The following TAFA5 variants were observed in gnomAD, a reference collection of about 807,000 sequenced individuals.
The protein encoded by TAFA5 is TAFA chemokine like family member 5, also known as chemokine-like protein TAFA-5.
Under a neutral mutation model 15.3 loss-of-function variants are expected in TAFA5, and 6 were observed. The ratio of observed to expected loss-of-function variants is 0.39; its 90% confidence interval spans 0.21 to 0.77. The LOEUF is 0.77. TAFA5 is among the 30% of genes least tolerant of loss of function. The probability of loss-of-function intolerance (pLI) is 0.41; values close to 1 mark genes in which losing one functional copy is unlikely to be tolerated. For synonymous variants in TAFA5, 103 were observed against 80.7 expected (o/e 1.28, Z -1.48); for missense variants, 161 against 193.1 (o/e 0.83, Z 0.98).
intron 1 of TAFA5, among the ~76,000 whole-genome samples, chr22:48,532,446 C>T (rs1349156994): frequency 1.3e-5 from 2 of 152,192 alleles, no homozygotes; most frequent in Non-Finnish European, 2.9e-5. Flanking sequence ...TGTTCATGTA[C>T]CCAGCAAGGA....
At chr22:48,671,157 C>G (rs187880969) in intron 2 of TAFA5, among the ~76,000 whole-genome samples, 1 of 152,156 alleles carries the variant, frequency 6.6e-6, no homozygotes, top group Non-Finnish European at 1.5e-5. Flanking sequence ...CTGTGCCCTC[C>G]GTGTCCTTAG....
chr22:48,585,188 A>G (rs1924299711), intron 1 of TAFA5, among the ~76,000 whole-genome samples: 1 of 149,296 alleles, frequency 6.7e-6, no homozygotes, highest in Admixed American at 6.8e-5. Context: ...CTGTGCACAC[A>G]TACCACATGC....
chr22:48,634,696 GTCAT>G (rs1306518556), intron 1 of TAFA5, among the ~76,000 whole-genome samples: 11 of 150,912 alleles, frequency 7.3e-5, no homozygotes, highest in East Asian at 1.9e-4. Flanking sequence ...CACTCAGTCA[GTCAT>G]TCATTCATTC....
chr22:48,499,493 C>T (rs1354903843), intron 1 of TAFA5, among the ~76,000 whole-genome samples: 6 of 152,186 alleles, frequency 3.9e-5, no homozygotes, highest in Admixed American at 3.9e-4. Context: ...TGCGCCTCCC[C>T]CAGCCTAGCA....
chr22:48,641,377 G>A (rs978375276), intron 1 of TAFA5, among the ~76,000 whole-genome samples: 1 of 152,148 alleles, frequency 6.6e-6, no homozygotes, highest in African/African-American at 2.4e-5. Flanking sequence ...GGGAGGGGCT[G>A]GTCCTGGGGG....
chr22:48,616,674 A>C (rs1925617270), intron 1 of TAFA5, among the ~76,000 whole-genome samples: 1 of 151,130 alleles, frequency 6.6e-6, no homozygotes, highest in Non-Finnish European at 1.5e-5. Context: ...TGGGCCACTG[A>C]AGCCCAAAAC....
chr22:48,662,281 T>C (rs1927467510), intron 2 of TAFA5, among the ~76,000 whole-genome samples: 1 of 151,982 alleles, frequency 6.6e-6, no homozygotes, highest in African/African-American at 2.4e-5. Flanking sequence ...GGGCAGGGGC[T>C]CTGCAGGCCA....
intron 1 of TAFA5, among the ~76,000 whole-genome samples, chr22:48,627,894 G>A (rs781610614): frequency 6.6e-6 from 1 of 152,214 alleles, no homozygotes; most frequent in Non-Finnish European, 1.5e-5. Context: ...CAGCAAGGAC[G>A]GGGGGTTGCA....
chr22:48,594,293 C>G (rs1009947358), intron 1 of TAFA5, among the ~76,000 whole-genome samples: 4 of 152,208 alleles, frequency 2.6e-5, no homozygotes, highest in Non-Finnish European at 4.4e-5. Flanking sequence ...CTGACCCACT[C>G]GGATGGGCGA....
chr22:48,664,501 G>A (rs1284491123), intron 2 of TAFA5, among the ~76,000 whole-genome samples: 1 of 152,192 alleles, frequency 6.6e-6, no homozygotes, highest in Non-Finnish European at 1.5e-5. Context: ...CCCAAAATAG[G>A]TGACTATTCT....
rs1321673846 is a variant in TAFA5 at position 48,489,714 on chromosome 22, G to A, written c.112+10G>A. The stretch of plus-strand genomic sequence containing the variant: ...CTCATCGCCTACTGCAGTGAGTACC[G>A]CGCGGCCCCGGCCCCGGCACGGCCC... On this transcript the variant is annotated intron_variant, in intron 1 of 3. Coordinates refer to ENST00000402357, the MANE Select transcript of TAFA5 (RefSeq NM_001082967.3). This position sits in a 1 kb window ranked among gnomAD's most constrained non-coding sequence, Gnocchi z 5.5. 1 of 1,438,480 alleles carries A rather than the reference G, an allele frequency of 7.0e-7. No homozygotes were observed. The highest frequency in any genetic ancestry group is 9.2e-7 in the Non-Finnish European group (1 of 1,084,692). The allele number at this position is 1,438,480 out of a possible 1,614,324, so 89.1% of individuals were successfully genotyped here.
chr22:48,517,624 C>T (rs767370366), intron 1 of TAFA5, among the ~76,000 whole-genome samples: 2 of 152,210 alleles, frequency 1.3e-5, no homozygotes, highest in African/African-American at 2.4e-5. Context: ...GATAGCCCGC[C>T]GGGCCCTGGG....
At chr22:48,726,135 T>C (rs371368789) in intron 3 of TAFA5, among the ~76,000 whole-genome samples, 2 of 152,392 alleles carry the variant, frequency 1.3e-5, no homozygotes, top group South Asian at 2.1e-4. Flanking sequence ...GGGAGACTTA[T>C]GTAAATATAT....
chr22:48,561,511 T>C (rs1388798066), intron 1 of TAFA5, among the ~76,000 whole-genome samples: 1 of 152,176 alleles, frequency 6.6e-6, no homozygotes, highest in Non-Finnish European at 1.5e-5. Context: ...GCCTGACCTC[T>C]CTGTGGAGGC....
At position 48,644,090 on chromosome 22, in the gene TAFA5, T is replaced by C. The variant is rs75875434; in HGVS notation, c.113-2507T>C. On this transcript the variant is annotated intron_variant, in intron 1 of 3. Coordinates refer to ENST00000402357, the MANE Select transcript of TAFA5 (RefSeq NM_001082967.3). ...CAGCACCTCATCCTCCCGGATGCTC[T>C]TTCCTCGTGGTATTTATTCATCCAC... is the stretch of plus-strand genomic sequence containing the variant. Among the ~76,000 whole-genome samples the C allele has an allele frequency of 2.1e-3, 320 of 152,366 alleles. 8 individuals carry two copies. In the East Asian group the frequency reaches 0.052, roughly 25 times the overall value.
At chr22:48,683,113 G>A (rs897087440) in intron 2 of TAFA5, among the ~76,000 whole-genome samples, 1 of 152,040 alleles carries the variant, frequency 6.6e-6, no homozygotes, top group African/African-American at 2.4e-5. Context: ...ATACAGTCCC[G>A]GTGGCAATAC....
chr22:48,592,440 A>G (rs1924603611), intron 1 of TAFA5, among the ~76,000 whole-genome samples: 1 of 152,198 alleles, frequency 6.6e-6, no homozygotes, highest in Admixed American at 6.5e-5. Context: ...CACTACAGGC[A>G]GGGGCTTGGG....
chr22:48,527,864 G>C (rs538476882), intron 1 of TAFA5, among the ~76,000 whole-genome samples: 1 of 152,222 alleles, frequency 6.6e-6, no homozygotes, highest in African/African-American at 2.4e-5. Flanking sequence ...GGAGCCCGGC[G>C]CGAGGCTTCA....
At chr22:48,684,843 G>A (rs1192766461) in intron 2 of TAFA5, among the ~76,000 whole-genome samples, 3 of 152,218 alleles carry the variant, frequency 2.0e-5, no homozygotes, top group African/African-American at 4.8e-5. Flanking sequence ...CTTACCTCTC[G>A]GGGTGCGGCT....
Sources: gnomAD v4.1 joint callset for allele counts (sites outside exome capture counted in the v4.1 genomes callset) on GRCh38, gnomAD v4.1.1 for gene constraint, Gnocchi (gnomAD v3.1) non-coding constraint, MANE v1.5 for transcripts, NCBI Gene and HGNC (gene_info 2026-07-23, HGNC 2026-07-21) for gene names.